The following SLC6A4 variants were observed in gnomAD, a reference collection of about 807,000 sequenced individuals.
SLC6A4 encodes the protein solute carrier family 6 member 4, also known as sodium-dependent serotonin transporter.
Under a neutral mutation model 73.4 loss-of-function variants are expected in SLC6A4, and 22 were observed. The ratio of observed to expected loss-of-function variants is 0.30; its 90% CI spans 0.21 to 0.43. The LOEUF (loss-of-function observed/expected upper bound fraction) is 0.43, where lower values mean the gene tolerates loss of function less well. Ranked by LOEUF, SLC6A4 falls within the 20% of genes least tolerant of loss-of-function variation. SLC6A4 has a pLI of 1.00. For synonymous variants in SLC6A4, 270 were observed against 315.5 expected (o/e 0.86, Z 1.53); for missense variants, 593 against 808.5 (o/e 0.73, Z 3.23).
Position 30,207,797 on chromosome 17 carries a change from G to T in SLC6A4, c.1585C>A (p.Leu529Ile). The change falls in exon 13 of 15, where the codon CTC (leucine) becomes ATC (isoleucine). Residue 529 changes from leucine (L) to isoleucine (I), a missense_variant. Leu to Ile is a conservative substitution (Grantham distance 5). Coordinates refer to ENST00000650711, the MANE Select transcript of SLC6A4 (RefSeq NM_001045.6). ...CAGAACCACCCCGGGCTGAAGCCGA[G>T]CATTTCCTTCACGTCCCTGCAGAAC... The part of the protein sequence containing the change: ...TQFCRDVKEM[L>I]GFSPGWFWRI... 1 of 1,614,110 alleles carries T rather than the reference G, an allele frequency of 6.2e-7. No homozygotes were observed. The highest frequency in any genetic ancestry group is 8.5e-7 in the Non-Finnish European group (1 of 1,179,998).
rs999712949 is a variant in SLC6A4, at chr17:30,197,883, C to T, written c.*573G>A. ...TGAAACAACAATATACACAGACTCA[C>T]AAGCTTGCATGGACACACTATTTTT... On this transcript the variant is annotated 3_prime_UTR_variant, in exon 15 of 15. Transcript: ENST00000650711. 2.0e-5 allele frequency: 3 copies of T among 152,964 alleles called. No individual in the cohort carries two copies. The Admixed American group carries it at 2.0e-4, about 10-fold the overall frequency. 9.5% of individuals were successfully genotyped at this position (152,964 alleles called of 1,614,324 possible).
chr17:30,221,865 G>T lies in SLC6A4; in HGVS notation c.94C>A (p.Pro32Thr). 2.5e-6 allele frequency: 4 copies of T among 1,614,148 alleles called. No individual in the cohort carries two copies. Among genetic ancestry groups the T allele is most frequent in the Non-Finnish European group, 3.4e-6 (4 of 1,180,030 alleles). Residue 32 changes from proline (P) to threonine (T), a missense_variant, in exon 3 of 15, where the codon CCC (proline) becomes ACC (threonine). Pro to Thr is a conservative substitution (Grantham distance 38, BLOSUM62 -1). Coordinates refer to ENST00000650711, the MANE Select transcript of SLC6A4 (RefSeq NM_001045.6). ...GACTCCACTTTGTCCCCTGGGGTGG[G>T]AACAACCTTCTGTAGAACTCCGTTT... The part of the protein sequence containing the change: ...QENGVLQKVV[P>T]TPGDKVESGQ...
chr17:30,219,906 A>G (rs1354956400), intron 3 of SLC6A4, among the ~76,000 whole-genome samples: 1 of 152,220 alleles, frequency 6.6e-6, no homozygotes, highest in Non-Finnish European at 1.5e-5. Flanking sequence ...CGGCTCGAGA[A>G]TAAAACCATG....
In SLC6A4 at chr17:30,195,230, G is replaced by A. The variant is rs199841101; in HGVS notation, c.*3226C>T. The A allele has an allele frequency of 2.0e-5, 3 of 152,078 alleles. No individual in the cohort carries two copies. Among genetic ancestry groups the A allele is most frequent in the Admixed American group, 1.3e-4 (2 of 15,244 alleles). The allele number at this position is 152,078 out of a possible 1,614,324, so 9.4% of individuals were successfully genotyped here. A position where few individuals can be genotyped will look rare whatever the true frequency, so the allele number is the denominator to read the frequency against. On this transcript the variant is annotated 3_prime_UTR_variant, in exon 15 of 15. Coordinates refer to ENST00000650711, the MANE Select transcript of SLC6A4 (RefSeq NM_001045.6). ...TCCTAAAATATTTATCTTTTCTATC[G>A]TGGTATTAAACCAATTGAGAGGGTT...
chr17:30,198,560 C>A (rs757025835), intron 14 of SLC6A4, 30 bp from the exon 15 acceptor site: 5 of 1,291,712 alleles, frequency 3.9e-6, no homozygotes, highest in Non-Finnish European at 5.6e-6. Context: ...ATGTTATAAA[C>A]ATCCTTGTAA....
At position 30,222,803 on chromosome 17, in the gene SLC6A4, C is replaced by T. The variant is rs201417524; in HGVS notation, c.-124+16G>A. On this transcript the variant is annotated intron_variant, in intron 2 of 14. Transcript: ENST00000650711. ...TTTGCAAGCCCGACTGGTCCTTAAA[C>T]GGCACTGCTGCTCACCATTTGTTCT... The T allele has an allele frequency of 8.0e-5, 105 of 1,304,474 alleles. No homozygotes were observed. In the Middle Eastern group the frequency reaches 8.5e-4, roughly 11 times the overall value. The allele number at this position is 1,304,474 out of a possible 1,614,324, so 80.8% of individuals were successfully genotyped here.
intron 14 of SLC6A4, among the ~76,000 whole-genome samples, chr17:30,201,966 C>A (rs1014986000): frequency 3.3e-5 from 5 of 152,010 alleles, no homozygotes; most frequent in Non-Finnish European, 7.4e-5. Flanking sequence ...TAGCCAGGCG[C>A]TTGTAGTCCC....
At chr17:30,199,901 T>TC in intron 14 of SLC6A4, among the ~76,000 whole-genome samples, 1 of 141,504 alleles carries the variant, frequency 7.1e-6, no homozygotes, top group East Asian at 2.0e-4. Context: ...AACGAGTCCT[T>TC]TTTTTTTTTT....
chr17:30,199,657 A>T (rs534665751), intron 14 of SLC6A4, among the ~76,000 whole-genome samples: 1 of 152,218 alleles, frequency 6.6e-6, no homozygotes, highest in South Asian at 2.1e-4. Flanking sequence ...GCTCCTCATG[A>T]CCTTAGTATC....
Position 30,235,620 on chromosome 17 carries a change from G to C in SLC6A4, c.-228C>G, listed in dbSNP as rs960741642. On this transcript the variant is annotated 5_prime_UTR_variant, in exon 1 of 15. Coordinates refer to ENST00000650711, the MANE Select transcript of SLC6A4 (RefSeq NM_001045.6). The surrounding 1 kb of genome is among the most constrained non-coding windows in gnomAD (Gnocchi z 4.5). ...GAGGAAAAGCGGACCCACCTGCCAGGCTGCGCGGGGAGGCTGGTCCCGGGC... is the reference window on the plus strand; with the variant it reads ...GAGGAAAAGCGGACCCACCTGCCAGCCTGCGCGGGGAGGCTGGTCCCGGGC... 5 of 152,382 alleles carry C rather than the reference G, an allele frequency of 3.3e-5. No individual in the cohort carries two copies. The highest frequency in any genetic ancestry group is 1.2e-4 in the African/African-American group (5 of 41,468). 9.4% of individuals were successfully genotyped at this position (152,382 alleles called of 1,614,324 possible).
In SLC6A4 at chr17:30,197,329, A is replaced by T. The variant is rs886052775; in HGVS notation, c.*1127T>A. 6.6e-6 allele frequency: 1 copy of T among 152,378 alleles called. No individual in the cohort carries two copies. Among genetic ancestry groups the T allele is most frequent in the African/African-American group, 2.4e-5 (1 of 41,446 alleles). 9.4% of individuals were successfully genotyped at this position (152,378 alleles called of 1,614,324 possible). ...ACGTAAGGCTAACCCAGACTCTCCA[A>T]CTGCTCTTGGAGTGAAGATGCCTTG... On this transcript the variant is annotated 3_prime_UTR_variant, in exon 15 of 15. Transcript: ENST00000650711.
chr17:30,213,334 G>A (rs1375272246), intron 8 of SLC6A4, among the ~76,000 whole-genome samples: 1 of 123,298 alleles, frequency 8.1e-6, no homozygotes, highest in Admixed American at 9.7e-5. Flanking sequence ...ACAGAGCCTT[G>A]CTCTATTGCC....
At chr17:30,206,151 T>C (rs191548678) in intron 13 of SLC6A4, 1 of 147,600 alleles carries the variant, frequency 6.8e-6, no homozygotes, top group African/African-American at 2.5e-5. Context: ...CAAAGAGATG[T>C]CCTAAAACAA....
intron 13 of SLC6A4, chr17:30,203,611 A>G: frequency 2.4e-6 from 1 of 418,862 alleles, no homozygotes; most frequent in Non-Finnish European, 4.4e-6. Context: ...AGCTGCCCCT[A>G]CAGTCGGGGC....
At chr17:30,226,337 C>G (rs1188059808) in intron 1 of SLC6A4, among the ~76,000 whole-genome samples, 1 of 152,214 alleles carries the variant, frequency 6.6e-6, no homozygotes, top group African/African-American at 2.4e-5. Flanking sequence ...TGGAATCTGG[C>G]CTTCTTCATG....
chr17:30,205,278 C>T (rs1354885234), intron 13 of SLC6A4, among the ~76,000 whole-genome samples: 1 of 152,126 alleles, frequency 6.6e-6, no homozygotes, highest in East Asian at 1.9e-4. Flanking sequence ...GTTTCACTTG[C>T]CTTCAAGTCT....
intron 11 of SLC6A4, among the ~76,000 whole-genome samples, chr17:30,210,285 G>A (rs990680789): frequency 1.3e-5 from 2 of 152,298 alleles, no homozygotes; most frequent in African/African-American, 2.4e-5. Context: ...AGTGGGATCT[G>A]CGGTAAAATG....
chr17:30,201,885 T>A (rs1265293514), intron 14 of SLC6A4, among the ~76,000 whole-genome samples: 3 of 152,178 alleles, frequency 2.0e-5, no homozygotes, highest in Non-Finnish European at 4.4e-5. Flanking sequence ...GGCAGGAGGA[T>A]TGAGCTCAGG....
At position 30,209,508 on chromosome 17, in the gene SLC6A4, G is replaced by A. The variant is rs1313479194; in HGVS notation, c.1450-266C>T. Among the ~76,000 whole-genome samples, 6 of 152,102 alleles carry A rather than the reference G, an allele frequency of 3.9e-5. No individual in the cohort carries two copies. The South Asian group carries it at 6.2e-4, about 16-fold the overall frequency. On this transcript the variant is annotated intron_variant, in intron 11 of 14. Transcript: ENST00000650711. ...CCAATATGGTGAAAATTAGCCAGGCGTGGTGGCACACGCCTTTAATCCCAG... is the reference window on the plus strand; with the variant it reads ...CCAATATGGTGAAAATTAGCCAGGCATGGTGGCACACGCCTTTAATCCCAG...
Sources: allele counts gnomAD v4.1 joint callset (sites outside exome capture counted in the v4.1 genomes callset), GRCh38; gene constraint gnomAD v4.1.1; non-coding constraint Gnocchi (gnomAD v3.1); transcripts MANE v1.5; gene names NCBI Gene and HGNC (gene_info 2026-07-23, HGNC 2026-07-21).